ABLIM1: variants seen among roughly 807,000 people sequenced by gnomAD.
The protein encoded by ABLIM1 is actin binding LIM protein 1.
ABLIM1 carries 40 observed loss-of-function variants against 107.0 expected under a neutral mutation model. That is an observed-to-expected ratio of 0.37 (90% CI 0.29 to 0.49). The LOEUF (loss-of-function observed/expected upper bound fraction) is 0.49. Among genes scored for constraint, ABLIM1 ranks in the 20% least tolerant of loss-of-function variants. ABLIM1 has a pLI of 0.97. For synonymous variants in ABLIM1, 357 were observed against 357.3 expected, an observed-to-expected ratio of 1.00 and a Z score of 0.01; for missense variants, 857 against 1,008.5, an observed-to-expected ratio of 0.85 and a Z score of 2.04.
At chr10:114,489,017 C>T (rs2058567372) in intron 7 of ABLIM1, among the ~76,000 whole-genome samples, 1 of 151,918 alleles carries the variant, frequency 6.6e-6, no homozygotes, top group Non-Finnish European at 1.5e-5. Flanking sequence ...AAATCTTTAC[C>T]TCATTTTTTT....
At chr10:114,626,092 C>G (rs2077772427) in intron 1 of ABLIM1, among the ~76,000 whole-genome samples, 1 of 152,162 alleles carries the variant, frequency 6.6e-6, no homozygotes, top group South Asian at 2.1e-4. Context: ...TTGAACCTTA[C>G]CTTGTCATTT....
chr10:114,760,443 CACACACACACT>C (rs1566312761), intron 1 of ABLIM1, among the ~76,000 whole-genome samples: 1 of 131,350 alleles, frequency 7.6e-6, no homozygotes, highest in South Asian at 2.3e-4. Context: ...CACACACACA[CACACACACACT>C]GACTTAGTGC....
At chr10:114,752,256 A>C (rs1167727375) in intron 1 of ABLIM1, among the ~76,000 whole-genome samples, 4 of 152,320 alleles carry the variant, frequency 2.6e-5, no homozygotes, top group Admixed American at 1.3e-4. Flanking sequence ...TGGTGTGTCC[A>C]TGACCACACA....
intron 1 of ABLIM1, among the ~76,000 whole-genome samples, chr10:114,682,557 A>C (rs1193189234): frequency 6.6e-6 from 1 of 152,236 alleles, no homozygotes; most frequent in East Asian, 1.9e-4. Context: ...CAGAGTAGCA[A>C]AACCCCTTAT....
At chr10:114,552,679 T>C (rs1306651205) in intron 4 of ABLIM1, among the ~76,000 whole-genome samples, 2 of 152,194 alleles carry the variant, frequency 1.3e-5, no homozygotes, top group African/African-American at 2.4e-5. Context: ...TCCTTGACAA[T>C]AGGGATATTG....
intron 1 of ABLIM1, among the ~76,000 whole-genome samples, chr10:114,709,176 G>C (rs993784802): frequency 1.3e-5 from 2 of 152,206 alleles, no homozygotes; most frequent in Admixed American, 1.3e-4. Flanking sequence ...CTAGAGTCAT[G>C]ATATGGAAAT....
intron 1 of ABLIM1, among the ~76,000 whole-genome samples, chr10:114,692,519 TC>T (rs1212732691): frequency 6.6e-6 from 1 of 151,954 alleles, no homozygotes; most frequent in African/African-American, 2.4e-5. Context: ...AAAAAACCTT[TC>T]CCCCCATCAT....
At chr10:114,436,751 C>T (rs2059456146) in intron 22 of ABLIM1, among the ~76,000 whole-genome samples, 2 of 151,892 alleles carry the variant, frequency 1.3e-5, no homozygotes, top group Non-Finnish European at 2.9e-5. Context: ...CAGCGTGGTC[C>T]CTGGGGAGCC....
At chr10:114,609,099 C>T (rs1287589623) in intron 1 of ABLIM1, among the ~76,000 whole-genome samples, 2 of 152,154 alleles carry the variant, frequency 1.3e-5, no homozygotes, top group African/African-American at 4.8e-5. Context: ...AATAACATGG[C>T]TCATGTCAGC....
chr10:114,574,103 A>T (rs1452461308), intron 3 of ABLIM1, among the ~76,000 whole-genome samples: 2 of 152,228 alleles, frequency 1.3e-5, no homozygotes, highest in Non-Finnish European at 2.9e-5. Context: ...TTAATTACAC[A>T]ATATTGAATC....
At chr10:114,643,414 T>G (rs767928321) in intron 1 of ABLIM1, among the ~76,000 whole-genome samples, 1 of 152,174 alleles carries the variant, frequency 6.6e-6, no homozygotes, top group Non-Finnish European at 1.5e-5. Flanking sequence ...AATCACTTCA[T>G]CTTTGCTTAG....
the ABLIM1 span, among the ~76,000 whole-genome samples, chr10:114,787,741 T>TGGGGGCGGGGGGTCAGCCC: frequency 9.4e-4 from 118 of 126,042 alleles, no homozygotes; most frequent in South Asian, 1.4e-3. Flanking sequence ...AGCCGCCCCG[T>TGGGGGCGGGGGGTCAGCCC]CCGGGAGGTG....
chr10:114,552,537 C>T (rs2068199147), intron 4 of ABLIM1, among the ~76,000 whole-genome samples: 1 of 151,622 alleles, frequency 6.6e-6, no homozygotes, highest in Non-Finnish European at 1.5e-5. Flanking sequence ...AACACTTGAC[C>T]CTGAGCCCTT....
chr10:114,620,556 T>C (rs1013893596), intron 1 of ABLIM1, among the ~76,000 whole-genome samples: 1 of 152,120 alleles, frequency 6.6e-6, no homozygotes, highest in Non-Finnish European at 1.5e-5. Context: ...ATTACAGTTA[T>C]GCACCATCAG....
In ABLIM1 at chr10:114,443,703, G is replaced by GAAA. The variant is rs1565237927; in HGVS notation, c.1933+323_1933+325dup. On this transcript the variant is annotated intron_variant, in intron 17 of 22. Coordinates refer to ENST00000533213, the MANE Select transcript of ABLIM1 (RefSeq NM_002313.7). ...AAAAAAAAAAAAAAAAGAAGAAGAAGAAAAGCATCATGTTTTTTAGAGGAT... is the reference window on the plus strand; with the variant it reads ...AAAAAAAAAAAAAAAAGAAGAAGAAGAAAAAAAGCATCATGTTTTTTAGAGGAT... Among the ~76,000 whole-genome samples the GAAA allele has an allele frequency of 4.1e-5, 6 of 146,774 alleles. 1 individual carries two copies. The highest frequency in any genetic ancestry group is 2.0e-4 in the East Asian group (1 of 5,040).
chr10:114,675,225 T>C (rs186691113), intron 1 of ABLIM1, among the ~76,000 whole-genome samples: 130 of 152,272 alleles, frequency 8.5e-4, no homozygotes, highest in Non-Finnish European at 7.2e-4. Flanking sequence ...TACAATAAGA[T>C]GACAAGTATG....
intron 12 of ABLIM1, among the ~76,000 whole-genome samples, chr10:114,458,050 G>A (rs1291009437): frequency 1.4e-4 from 21 of 152,010 alleles, no homozygotes; most frequent in Admixed American, 1.4e-3. Flanking sequence ...TCCAGCTGGG[G>A]CAACAAAGTG....
chr10:114,460,609 C>CA (rs201741615), intron 12 of ABLIM1, among the ~76,000 whole-genome samples: 2,059 of 151,904 alleles, frequency 0.014, 46 homozygotes, highest in African/African-American at 0.045. Context: ...TCCAAAAAAA[C>CA]AAAAAAAAGC....
intron 1 of ABLIM1, among the ~76,000 whole-genome samples, chr10:114,704,530 G>A (rs1265071993): frequency 6.7e-6 from 1 of 149,440 alleles, no homozygotes; most frequent in African/African-American, 2.5e-5. Flanking sequence ...ATTTCCCAAT[G>A]CCCAGTTTCA....
Sources: allele counts gnomAD v4.1 joint callset (sites outside exome capture counted in the v4.1 genomes callset), GRCh38; gene constraint gnomAD v4.1.1; transcripts MANE v1.5; gene names NCBI Gene and HGNC (gene_info 2026-07-23, HGNC 2026-07-21).